RAB3C: variants seen among roughly 807,000 people sequenced by gnomAD.
RAB3C encodes the protein RAB3C, member RAS oncogene family.
A neutral mutation model predicts 26.4 loss-of-function variants in RAB3C; 17 were observed. The observed-to-expected ratio is 0.64, with a 90% CI of 0.44 to 0.97. The LOEUF (loss-of-function observed/expected upper bound fraction) is 0.97. RAB3C is among the 50% of genes least tolerant of loss of function. The pLI, the probability that RAB3C is intolerant of heterozygous loss-of-function variation, is 0.00. For missense variants in RAB3C, 242 were observed against 281.9 expected (o/e 0.86, Z 1.01); for synonymous variants, 91 against 95.9 (o/e 0.95, Z 0.30).
chr5:58,754,494 A>G (rs1247706811), intron 3 of RAB3C, among the ~76,000 whole-genome samples: 1 of 152,176 alleles, frequency 6.6e-6, no homozygotes, highest in Non-Finnish European at 1.5e-5. Context: ...ATATGGATAC[A>G]GCCCAGGGCC....
chr5:58,839,380 TA>T (rs1450756748), intron 4 of RAB3C, among the ~76,000 whole-genome samples: 1 of 151,420 alleles, frequency 6.6e-6, no homozygotes, highest in Non-Finnish European at 1.5e-5. Context: ...TTTATTTATT[TA>T]TTTTTTGAGA....
intron 2 of RAB3C, among the ~76,000 whole-genome samples, chr5:58,694,492 C>A (rs1322715447): frequency 6.6e-6 from 1 of 152,152 alleles, no homozygotes; most frequent in African/African-American, 2.4e-5. Flanking sequence ...AGTTCTAGAT[C>A]CTTGAGGAAT....
intron 3 of RAB3C, among the ~76,000 whole-genome samples, chr5:58,798,721 G>A (rs1742732559): frequency 6.6e-6 from 1 of 152,152 alleles, no homozygotes; most frequent in Non-Finnish European, 1.5e-5. Flanking sequence ...TCTCATTATA[G>A]TTATGCAAAT....
intron 3 of RAB3C, among the ~76,000 whole-genome samples, chr5:58,746,503 T>C (rs1741407201): frequency 6.6e-6 from 1 of 152,190 alleles, no homozygotes; most frequent in Admixed American, 6.6e-5. Flanking sequence ...TCTAGAGAAC[T>C]ACATGTGGGA....
chr5:58,840,870 G>A (rs1376663580), intron 4 of RAB3C, among the ~76,000 whole-genome samples: 1 of 152,208 alleles, frequency 6.6e-6, no homozygotes, highest in Non-Finnish European at 1.5e-5. Flanking sequence ...TGGAGTCACT[G>A]GGGTTGGAGC....
chr5:58,602,091 T>G (rs897006388), intron 1 of RAB3C, among the ~76,000 whole-genome samples: 8 of 152,228 alleles, frequency 5.3e-5, no homozygotes, highest in African/African-American at 1.7e-4. Context: ...ATTTCCATCC[T>G]GATTTTTTTT....
intron 3 of RAB3C, among the ~76,000 whole-genome samples, chr5:58,751,042 C>T (rs369181864): frequency 1.2e-4 from 18 of 152,106 alleles, no homozygotes; most frequent in African/African-American, 3.6e-4. Context: ...TTAGTGGAGA[C>T]GGAGTTTCAC....
At chr5:58,726,788 C>A (rs945898290) in intron 3 of RAB3C, among the ~76,000 whole-genome samples, 7 of 151,900 alleles carry the variant, frequency 4.6e-5, no homozygotes, top group African/African-American at 7.2e-5. Context: ...ATACTTCTGA[C>A]CCTGATGAGT....
intron 2 of RAB3C, among the ~76,000 whole-genome samples, chr5:58,673,843 G>A (rs929253227): frequency 1.3e-5 from 2 of 152,200 alleles, no homozygotes. Flanking sequence ...AGGTATCCAG[G>A]ATTGATGCAG....
chr5:58,774,548 G>A (rs1027308063), intron 3 of RAB3C, among the ~76,000 whole-genome samples: 2 of 152,106 alleles, frequency 1.3e-5, no homozygotes, highest in African/African-American at 4.8e-5. Flanking sequence ...TTTAATGGAG[G>A]TGGGTGGATG....
chr5:58,840,081 C>T (rs1743845092), intron 4 of RAB3C, among the ~76,000 whole-genome samples: 1 of 151,944 alleles, frequency 6.6e-6, no homozygotes, highest in African/African-American at 2.4e-5. Flanking sequence ...CTTTTCCCTT[C>T]TTTTCTGCTT....
chr5:58,655,584 C>T (rs575020139), intron 2 of RAB3C, among the ~76,000 whole-genome samples: 5 of 151,974 alleles, frequency 3.3e-5, no homozygotes, highest in Non-Finnish European at 7.4e-5. Flanking sequence ...AACAAGCCAT[C>T]TTAATTAACA....
chr5:58,671,405 A>G (rs989186398), intron 2 of RAB3C, among the ~76,000 whole-genome samples: 2 of 152,206 alleles, frequency 1.3e-5, no homozygotes, highest in Non-Finnish European at 2.9e-5. Context: ...AGCCAGCACA[A>G]ATAATGACTC....
At chr5:58,615,921 A>G (rs190029072) in intron 1 of RAB3C, among the ~76,000 whole-genome samples, 3 of 151,762 alleles carry the variant, frequency 2.0e-5, no homozygotes, top group Admixed American at 2.0e-4. Flanking sequence ...GAAATACACA[A>G]TCTCACCATT....
chr5:58,730,240 G>C (rs1740986291), intron 3 of RAB3C, among the ~76,000 whole-genome samples: 1 of 151,320 alleles, frequency 6.6e-6, no homozygotes, highest in African/African-American at 2.4e-5. Context: ...ATAATAACTA[G>C]CACAAAATGG....
rs534386793 is a variant in RAB3C, at chr5:58,585,330, C to A, written c.24+2098C>A. The stretch of plus-strand genomic sequence containing the variant: ...AAGTAATGTTTCAGCACCGATATTT[C>A]TGAATTGTAATCACATTTCACGTGA... On this transcript the variant is annotated intron_variant, in intron 1 of 4. Transcript: ENST00000282878. Among the ~76,000 whole-genome samples, 9 of 152,090 alleles carry A rather than the reference C, an allele frequency of 5.9e-5. No individual in the cohort carries two copies. The South Asian group carries it at 1.9e-3, about 32-fold the overall frequency.
intron 3 of RAB3C, among the ~76,000 whole-genome samples, chr5:58,798,101 C>G (rs946180620): frequency 3.3e-5 from 5 of 151,894 alleles, no homozygotes; most frequent in African/African-American, 4.8e-5. Flanking sequence ...GGCGGGGGGG[C>G]CTCCTCTTTA....
At position 58,583,104 on chromosome 5, in the gene RAB3C, C is replaced by T. The variant is rs1417108151; in HGVS notation, c.-105C>T. The T allele has an allele frequency of 2.5e-6, 4 of 1,587,254 alleles. No homozygotes were observed. The highest frequency in any genetic ancestry group is 3.6e-5 in the Admixed American group (2 of 55,472). ...CTGATGTTGGAGCCGGTTAGCGAAC[C>T]CCAAGAGTGCAGAGTGTGGAGCGTG... On this transcript the variant is annotated 5_prime_UTR_variant, in exon 1 of 5. Transcript: ENST00000282878.
Position 58,720,839 on chromosome 5 carries a change from A to T in RAB3C, c.253-5163A>T, listed in dbSNP as rs986423309. Among the ~76,000 whole-genome samples the T allele has an allele frequency of 2.0e-5, 3 of 151,780 alleles. No individual in the cohort carries two copies. In the South Asian group the frequency reaches 6.2e-4, roughly 31 times the overall value. The stretch of plus-strand genomic sequence containing the variant: ...TTATTTGAGTTGTATTTCTTTACTA[A>T]CGGTTACTCCCATTTTCCCTTTAAT... On this transcript the variant is annotated intron_variant, in intron 2 of 4. Coordinates refer to ENST00000282878, the MANE Select transcript of RAB3C (RefSeq NM_138453.4).
Sources: gnomAD v4.1 joint callset for allele counts (sites outside exome capture counted in the v4.1 genomes callset) on GRCh38, gnomAD v4.1.1 for gene constraint, MANE v1.5 for transcripts, NCBI Gene and HGNC (gene_info 2026-07-23, HGNC 2026-07-21) for gene names.